The following PSD2 variants were observed in gnomAD, a reference collection of about 807,000 sequenced individuals.
PSD2 encodes the protein pleckstrin and Sec7 domain containing 2.
A neutral mutation model predicts 69.8 loss-of-function variants in PSD2; 38 were observed. The observed-to-expected ratio is 0.54, with a 90% CI of 0.42 to 0.71. The LOEUF (loss-of-function observed/expected upper bound fraction) is 0.71, where lower values mean the gene tolerates loss of function less well. PSD2 is among the 30% of genes least tolerant of loss of function. The probability of loss-of-function intolerance (pLI) is 0.00; values close to 1 mark genes in which losing one functional copy is unlikely to be tolerated. For synonymous variants in PSD2, 412 were observed against 423.0 expected (o/e 0.97, Z 0.32); for missense variants, 943 against 1,014.5 (o/e 0.93, Z 0.96).
At chr5:139,803,908 A>G (rs1225474918) in intron 1 of PSD2, among the ~76,000 whole-genome samples, 1 of 152,088 alleles carries the variant, frequency 6.6e-6, no homozygotes, top group Non-Finnish European at 1.5e-5. Context: ...CTTGGTTGGC[A>G]GAGGCTACAA....
At chr5:139,771,474 G>T in the PSD2 span, among the ~76,000 whole-genome samples, 2 of 152,142 alleles carry the variant, frequency 1.3e-5, no homozygotes, top group Non-Finnish European at 2.9e-5. Flanking sequence ...CGCCTCCTGG[G>T]TTCACGCCAT....
intron 2 of PSD2, among the ~76,000 whole-genome samples, chr5:139,812,597 G>A (rs959397732): frequency 6.6e-6 from 1 of 152,224 alleles, no homozygotes; most frequent in African/African-American, 2.4e-5. Context: ...TACATGCCTG[G>A]AAGGTCTGAG....
Position 139,803,222 on chromosome 5 carries a change from C to T in PSD2, c.-50-6169C>T, listed in dbSNP as rs60870216. Among the ~76,000 whole-genome samples, 4 of 152,126 alleles carry T rather than the reference C, an allele frequency of 2.6e-5. No individual in the cohort carries two copies. The South Asian group carries it at 8.3e-4, about 32-fold the overall frequency. On this transcript the variant is annotated intron_variant, in intron 1 of 14. Coordinates refer to ENST00000274710, the MANE Select transcript of PSD2 (RefSeq NM_032289.4). ...GGAGGGGATGCCCTCTCTGGCCCCC[C>T]TCCTGGCCCCACGGGAGTCTTTGAT...
chr5:139,830,576 T>TTCTTTC (rs1760557281), intron 7 of PSD2, among the ~76,000 whole-genome samples: 1 of 135,998 alleles, frequency 7.4e-6, no homozygotes, highest in African/African-American at 3.3e-5. Flanking sequence ...CTTTCTTTCT[T>TTCTTTC]TCTTTCTTTC....
chr5:139,763,744 C>T, the PSD2 span, among the ~76,000 whole-genome samples: 39 of 152,330 alleles, frequency 2.6e-4, 1 homozygote, highest in African/African-American at 8.9e-4. Flanking sequence ...TGCCTTTGCT[C>T]TCACACCCAG....
chr5:139,752,576 A>C, the PSD2 span, among the ~76,000 whole-genome samples: 1,380 of 152,278 alleles, frequency 9.1e-3, 18 homozygotes, highest in African/African-American at 0.031. Flanking sequence ...ACACAAGGAC[A>C]TTGGAGCATA....
chr5:139,823,008 C>T (rs185114644), intron 7 of PSD2, among the ~76,000 whole-genome samples: 5 of 152,134 alleles, frequency 3.3e-5, no homozygotes, highest in African/African-American at 9.7e-5. Context: ...AGCTGGGCCA[C>T]GGGAGTTTAA....
At chr5:139,832,590 C>G (rs535430601) in intron 7 of PSD2, among the ~76,000 whole-genome samples, 1 of 152,352 alleles carries the variant, frequency 6.6e-6, no homozygotes, top group East Asian at 1.9e-4. Flanking sequence ...ATGGTAAAGA[C>G]TCTGAAACAT....
intron 8 of PSD2, among the ~76,000 whole-genome samples, chr5:139,834,331 C>G (rs555547616): frequency 1.3e-5 from 2 of 152,046 alleles, no homozygotes; most frequent in African/African-American, 4.8e-5. Context: ...TGTCACCCAC[C>G]CTGGAGTGCA....
intron 7 of PSD2, among the ~76,000 whole-genome samples, chr5:139,829,455 A>G (rs1483244072): frequency 6.6e-6 from 1 of 152,208 alleles, no homozygotes; most frequent in Non-Finnish European, 1.5e-5. Flanking sequence ...CTTCATCACA[A>G]CAAAAGGAAA....
chr5:139,791,255 C>T (rs570277350), upstream of PSD2, among the ~76,000 whole-genome samples: 11 of 152,216 alleles, frequency 7.2e-5, no homozygotes, highest in African/African-American at 2.6e-4. Context: ...CATGGCGAAA[C>T]TCCATCTCTA....
At chr5:139,756,376 C>A in the PSD2 span, among the ~76,000 whole-genome samples, 1 of 152,324 alleles carries the variant, frequency 6.6e-6, no homozygotes, top group East Asian at 1.9e-4. Flanking sequence ...GAGCAGGCTG[C>A]GCTCCCCCGG....
At chr5:139,832,336 C>A (rs1760616659) in intron 7 of PSD2, among the ~76,000 whole-genome samples, 1 of 152,162 alleles carries the variant, frequency 6.6e-6, no homozygotes, top group Admixed American at 6.5e-5. Context: ...CAGAAAAATA[C>A]AAAACACACT....
At chr5:139,743,642 T>C in the PSD2 span, 1 of 152,828 alleles carries the variant, frequency 6.5e-6, no homozygotes, top group Non-Finnish European at 1.5e-5. Flanking sequence ...AGCATGCTAA[T>C]TGTGTGGGAG....
upstream of PSD2, among the ~76,000 whole-genome samples, chr5:139,792,883 C>A (rs1200707445): frequency 7.6e-6 from 1 of 132,078 alleles, no homozygotes; most frequent in Non-Finnish European, 1.6e-5. Context: ...TCCTTCCTTC[C>A]TTCCTTCCTT....
At chr5:139,758,845 G>A in the PSD2 span, among the ~76,000 whole-genome samples, 1 of 152,110 alleles carries the variant, frequency 6.6e-6, no homozygotes, top group East Asian at 1.9e-4. Flanking sequence ...ATGTGACTTG[G>A]GCAGTGTCTC....
At chr5:139,768,444 C>T in the PSD2 span, among the ~76,000 whole-genome samples, 4 of 152,160 alleles carry the variant, frequency 2.6e-5, no homozygotes, top group East Asian at 3.8e-4. Context: ...CTTCCTTGGC[C>T]AGGCATGGTG....
At position 139,837,504 on chromosome 5, in the gene PSD2, G is replaced by A. The variant is rs1455519120; in HGVS notation, c.1666-121G>A. On this transcript the variant is annotated intron_variant, in intron 11 of 14. Coordinates refer to ENST00000274710, the MANE Select transcript of PSD2 (RefSeq NM_032289.4). The surrounding 1 kb of genome is among the most constrained non-coding windows in gnomAD (Gnocchi z 5.0). ...GGAGTACCTGGATTCTTGTTGGGGT[G>A]GGTGAGGCAGCAGGAACAGAAAATT... 2.3e-5 allele frequency: 25 copies of A among 1,075,326 alleles called. No individual in the cohort carries two copies. The highest frequency in any genetic ancestry group is 7.4e-5 in the Admixed American group (3 of 40,788). 66.6% of individuals were successfully genotyped at this position (1,075,326 alleles called of 1,614,324 possible).
chr5:139,795,603 G>A (rs1362516054), upstream of PSD2, among the ~76,000 whole-genome samples: 6 of 152,130 alleles, frequency 3.9e-5, no homozygotes, highest in African/African-American at 1.4e-4. This position sits in a 1 kb window ranked among gnomAD's most constrained non-coding sequence, Gnocchi z 4.5. Context: ...CGGGGCAGAG[G>A]GGGACAAGGT....
Sources: allele counts gnomAD v4.1 joint callset (sites outside exome capture counted in the v4.1 genomes callset), GRCh38; gene constraint gnomAD v4.1.1; non-coding constraint Gnocchi (gnomAD v3.1); transcripts MANE v1.5; gene names NCBI Gene and HGNC (gene_info 2026-07-23, HGNC 2026-07-21).